TALDO1: variants seen among roughly 807,000 people sequenced by gnomAD.
TALDO1 encodes transaldolase.
In TALDO1, 29 loss-of-function variants were observed where a neutral mutation model predicts 38.1. The observed-to-expected ratio is 0.76, with a 90% confidence interval of 0.57 to 1.04. The LOEUF (loss-of-function observed/expected upper bound fraction) is 1.04. TALDO1 is among the 50% of genes least tolerant of loss of function. The pLI, the probability that TALDO1 is intolerant of heterozygous loss-of-function variation, is 0.00. For missense variants in TALDO1, 499 were observed against 438.1 expected (o/e 1.14, Z -1.24); for synonymous variants, 207 against 176.8 (o/e 1.17, Z -1.36).
At chr11:760,833 G>C (rs1014722394) in intron 4 of TALDO1, 17 of 159,994 alleles carry the variant, frequency 1.1e-4, no homozygotes, top group Non-Finnish European at 2.1e-4. Context: ...AGGAGATCGA[G>C]ACCATCCTGG....
Position 755,671 on chromosome 11 carries a change from G to C in TALDO1, c.98-208G>C, listed in dbSNP as rs568766960. 9.2e-6 allele frequency: 6 copies of C among 654,362 alleles called. No homozygotes were observed. In the South Asian group the frequency reaches 1.1e-4, roughly 12 times the overall value. 40.5% of individuals were successfully genotyped at this position (654,362 alleles called of 1,614,324 possible). On this transcript the variant is annotated intron_variant, in intron 1 of 7. Transcript: ENST00000319006. ...GGCATATTTGATCGCTGGGCACTTA[G>C]TGTTTGTTGTTCCATCATTATGCAA...
At chr11:758,451 A>G in intron 2 of TALDO1, among the ~76,000 whole-genome samples, 1 of 152,102 alleles carries the variant, frequency 6.6e-6, no homozygotes, top group Admixed American at 6.6e-5. Context: ...TGGGGGAAAA[A>G]AAAAAGGATA....
At chr11:757,250 C>G (rs964236776) in intron 2 of TALDO1, among the ~76,000 whole-genome samples, 1 of 151,326 alleles carries the variant, frequency 6.6e-6, no homozygotes, top group Non-Finnish European at 1.5e-5. Flanking sequence ...GCTGGGTGAT[C>G]AACAGATGAG....
At position 763,564 on chromosome 11, in the gene TALDO1, C is replaced by G. The variant is rs571462463; in HGVS notation, c.637+45C>G. Reference sequence around the variant, plus strand: ...AATGGGGTAAGGGGAGCAGCCTCAGCAGCACCTCAGGCAGGAAGAGCCCGA... The same window carrying G: ...AATGGGGTAAGGGGAGCAGCCTCAGGAGCACCTCAGGCAGGAAGAGCCCGA... On this transcript the variant is annotated intron_variant, in intron 5 of 7. Coordinates refer to ENST00000319006, the MANE Select transcript of TALDO1 (RefSeq NM_006755.2). 8 of 1,609,852 alleles carry G rather than the reference C, an allele frequency of 5.0e-6. No individual in the cohort carries two copies. In the South Asian group the frequency reaches 8.8e-5, roughly 18 times the overall value.
chr11:762,374 A>G (rs9795013), intron 4 of TALDO1, among the ~76,000 whole-genome samples: 1 of 152,196 alleles, frequency 6.6e-6, no homozygotes, highest in South Asian at 2.1e-4. Flanking sequence ...TGTGATGTAT[A>G]TTGCTGTGGT....
chr11:763,310 ACCTGCCCCGCCC>A, intron 4 of TALDO1, 22 bp from the exon 5 acceptor site: 2 of 653,732 alleles, frequency 3.1e-6, no homozygotes, highest in East Asian at 7.0e-5. Context: ...CCCCGCCCTC[ACCTGCCCCGCCC>A]TCACCTGTCC....
At chr11:762,441 A>C (rs4963163) in intron 4 of TALDO1, among the ~76,000 whole-genome samples, 60,792 of 150,222 alleles carry the variant, frequency 0.4, 13,408 homozygotes, top group Admixed American at 0.52. Context: ...ATCTGCTGCT[A>C]TGAACACATC....
At chr11:753,116 G>A (rs960522677) in intron 1 of TALDO1, among the ~76,000 whole-genome samples, 1 of 152,158 alleles carries the variant, frequency 6.6e-6, no homozygotes, top group East Asian at 1.9e-4. Flanking sequence ...TTCAGAGGCC[G>A]GGCGCAGTGG....
At chr11:755,136 T>C (rs868391474) in intron 1 of TALDO1, among the ~76,000 whole-genome samples, 744 of 6,150 alleles carry the variant, frequency 0.12, 11 homozygotes, top group African/African-American at 0.23. Flanking sequence ...CCCCTTGGCC[T>C]TTTTTTTTTT....
rs541964892 is a variant in TALDO1, at chr11:749,524, C to G, written c.97+1946C>G. On this transcript the variant is annotated intron_variant, in intron 1 of 7. Coordinates refer to ENST00000319006, the MANE Select transcript of TALDO1 (RefSeq NM_006755.2). ...AAATGTTATATAGTTGTAAAATAGT[C>G]TGTTGGGTTTGTGATCTGTAGTTTG... 2.6e-5 allele frequency among the ~76,000 whole-genome samples: 4 copies of G among 151,264 alleles called. No homozygotes were observed. In the East Asian group the frequency reaches 7.8e-4, roughly 29 times the overall value.
Position 764,322 on chromosome 11 carries a change from TGAG to T in TALDO1, c.871_873del (p.Glu291del). ...GTGACCTGGAAAAAATCCACCTGGA[TGAG>T]AAGTCTTTCCGTTGGTTGCACAACG... On this transcript the variant is annotated inframe_deletion, in exon 7 of 8. Coordinates refer to ENST00000319006, the MANE Select transcript of TALDO1 (RefSeq NM_006755.2). The T allele has an allele frequency of 6.2e-7, 1 of 1,614,254 alleles. No homozygotes were observed. Among genetic ancestry groups the T allele is most frequent in the Non-Finnish European group, 8.5e-7 (1 of 1,180,050 alleles).
chr11:757,699 GTGTC>G (rs1415630777), intron 2 of TALDO1, among the ~76,000 whole-genome samples: 2 of 152,208 alleles, frequency 1.3e-5, no homozygotes, highest in African/African-American at 4.8e-5. Context: ...ACTTCACTGG[GTGTC>G]TGTCCAATAA....
chr11:751,827 A>G (rs922381074), intron 1 of TALDO1, among the ~76,000 whole-genome samples: 3 of 151,614 alleles, frequency 2.0e-5, no homozygotes, highest in South Asian at 4.2e-4. Context: ...TAAACCATCA[A>G]CCTCATTTTG....
chr11:763,080 GATTTGTTCTT>G (rs1862967102), intron 4 of TALDO1, among the ~76,000 whole-genome samples: 1 of 150,778 alleles, frequency 6.6e-6, no homozygotes, highest in Non-Finnish European at 1.5e-5. Context: ...GAGTCTTACC[GATTTGTTCTT>G]AACAATGGCA....
chr11:749,091 TTTG>T (rs780516415), intron 1 of TALDO1, among the ~76,000 whole-genome samples: 2 of 152,076 alleles, frequency 1.3e-5, no homozygotes, highest in Non-Finnish European at 2.9e-5. Context: ...GGTTTCTGGT[TTTG>T]TTTTGTATTG....
chr11:763,311 C>A, intron 4 of TALDO1, 33 bp from the exon 5 acceptor site: 2 of 864,464 alleles, frequency 2.3e-6, no homozygotes, highest in Non-Finnish European at 3.0e-6. Flanking sequence ...CCCGCCCTCA[C>A]CTGCCCCGCC....
chr11:763,744 CA>C lies in TALDO1; in HGVS notation c.638-2del, dbSNP rs1277458190. The C allele has an allele frequency of 2.5e-6, 4 of 1,613,844 alleles. No individual in the cohort carries two copies. The African/African-American group carries it at 4.0e-5, about 16-fold the overall frequency. ...TCCTGGTCACAGCTTGGTCTCTTTC[CA>C]GGGGTAAAGAGTGTCACTAAAATCT... On this transcript the variant is annotated splice_acceptor_variant, in intron 5 of 7. Coordinates refer to ENST00000319006, the MANE Select transcript of TALDO1 (RefSeq NM_006755.2). LOFTEE classifies it high-confidence loss of function.
intron 1 of TALDO1, among the ~76,000 whole-genome samples, chr11:748,691 G>A (rs1206923935): frequency 6.6e-6 from 1 of 152,150 alleles, no homozygotes; most frequent in Non-Finnish European, 1.5e-5. Context: ...GGCATGTTTG[G>A]CTGCTTAACC....
chr11:761,964 T>A (rs1043470000), intron 4 of TALDO1, among the ~76,000 whole-genome samples: 1 of 151,378 alleles, frequency 6.6e-6, no homozygotes, highest in African/African-American at 2.4e-5. Context: ...ATTTGTGTGT[T>A]TTTTTGTTTT....
Sources: gnomAD v4.1 joint callset for allele counts (sites outside exome capture counted in the v4.1 genomes callset) on GRCh38, gnomAD v4.1.1 for gene constraint, MANE v1.5 for transcripts, NCBI Gene and HGNC (gene_info 2026-07-23, HGNC 2026-07-21) for gene names.